Variants in PARD3B observed in about 807,000 individuals in gnomAD.
PARD3B encodes partitioning defective 3 homolog B.
In PARD3B, 103 loss-of-function variants were observed where a neutral mutation model predicts 130.2. That is an observed-to-expected ratio of 0.79 (90% CI 0.67 to 0.93). The LOEUF (loss-of-function observed/expected upper bound fraction) is 0.93. Ranked by LOEUF, PARD3B falls within the 40% of genes least tolerant of loss-of-function variation. The probability of loss-of-function intolerance (pLI) is 0.00; values close to 1 mark genes in which losing one functional copy is unlikely to be tolerated. For missense variants in PARD3B, 1,609 were observed against 1,499.2 expected, an observed-to-expected ratio of 1.07 and a Z score of -1.21; for synonymous variants, 583 against 553.2, an observed-to-expected ratio of 1.05 and a Z score of -0.76.
At position 205,568,505 on chromosome 2, in the gene PARD3B, T is replaced by C. The variant is rs1575385858; in HGVS notation, c.3260+15102T>C. Among the ~76,000 whole-genome samples the C allele has an allele frequency of 6.6e-6, 1 of 152,308 alleles. No homozygotes were observed. Among genetic ancestry groups the C allele is most frequent in the Non-Finnish European group, 1.5e-5 (1 of 68,014 alleles). ...CATCACTGAAATACAGCAGCACCTC[T>C]GGGACACTCCTGGGATTAGGAAAGC... On this transcript the variant is annotated intron_variant, in intron 22 of 22. Coordinates refer to ENST00000406610, the MANE Select transcript of PARD3B (RefSeq NM_001302769.2). The surrounding 1 kb of genome is among the most constrained non-coding windows in gnomAD (Gnocchi z 5.3).
At chr2:205,060,930 A>T (rs1700029778) in intron 4 of PARD3B, among the ~76,000 whole-genome samples, 1 of 152,118 alleles carries the variant, frequency 6.6e-6, no homozygotes, top group Admixed American at 6.6e-5. Flanking sequence ...GAAACTAGAA[A>T]GGCAATTTGA....
At chr2:204,947,845 A>G (rs1045999044) in intron 2 of PARD3B, among the ~76,000 whole-genome samples, 1 of 152,198 alleles carries the variant, frequency 6.6e-6, no homozygotes, top group African/African-American at 2.4e-5. Context: ...CTTCCCAGTA[A>G]TGACATGATG....
At chr2:204,553,695 T>TATATATAC (rs1372888110) in intron 1 of PARD3B, among the ~76,000 whole-genome samples, 1 of 90,766 alleles carries the variant, frequency 1.1e-5, no homozygotes. Flanking sequence ...TATATATATA[T>TATATATAC]ACACACATAT....
intron 19 of PARD3B, among the ~76,000 whole-genome samples, chr2:205,438,678 A>G (rs1249472173): frequency 2.5e-5 from 3 of 122,408 alleles, no homozygotes; most frequent in Non-Finnish European, 5.1e-5. Context: ...ATCTAGGACT[A>G]ACAGGCATTG....
intron 20 of PARD3B, among the ~76,000 whole-genome samples, chr2:205,497,233 G>T (rs372512514): frequency 6.7e-6 from 1 of 149,844 alleles, no homozygotes; most frequent in African/African-American, 2.4e-5. Context: ...AGAAAGGTAC[G>T]TGATTCCCAA....
At position 205,584,600 on chromosome 2, in the gene PARD3B, C is replaced by T. The variant is rs569925819; in HGVS notation, c.3261-30856C>T. On this transcript the variant is annotated intron_variant, in intron 22 of 22. Transcript: ENST00000406610. The surrounding 1 kb of genome is among the most constrained non-coding windows in gnomAD (Gnocchi z 5.5). ...GGCTGAGGCAGGAGAATCGCTTGAA[C>T]CCGGGAGGCAGAGGTTGCAGTGAGC... Among the ~76,000 whole-genome samples the T allele has an allele frequency of 2.3e-3, 353 of 152,210 alleles. 3 individuals are homozygous for T. The highest frequency in any genetic ancestry group is 0.01 in the Middle Eastern group (3 of 294).
chr2:205,610,262 C>T (rs1365134602), intron 22 of PARD3B, among the ~76,000 whole-genome samples: 1 of 152,202 alleles, frequency 6.6e-6, no homozygotes, highest in African/African-American at 2.4e-5. Flanking sequence ...GGTTCGTGTT[C>T]ATCAGCCCTC....
intron 16 of PARD3B, among the ~76,000 whole-genome samples, chr2:205,283,107 G>A (rs2041255218): frequency 6.6e-6 from 1 of 152,306 alleles, no homozygotes; most frequent in South Asian, 2.1e-4. Flanking sequence ...GCAAATGGCT[G>A]CTCCGCTCTA....
intron 2 of PARD3B, among the ~76,000 whole-genome samples, chr2:204,878,138 T>C (rs1187113904): frequency 2.0e-5 from 3 of 152,310 alleles, no homozygotes; most frequent in Admixed American, 1.3e-4. Flanking sequence ...AAAAAAGTCA[T>C]GTAACAGCAC....
rs562222066 is a variant in PARD3B at position 205,550,401 on chromosome 2, G to C, written c.3181-2923G>C. On this transcript the variant is annotated intron_variant, in intron 21 of 22. Transcript: ENST00000406610. The surrounding 1 kb of genome is among the most constrained non-coding windows in gnomAD (Gnocchi z 4.5). ...CTTCATTGCTTTGAATACAGTGAAT[G>C]ACTGCATTAATGATGTTGCAGTATC... Among the ~76,000 whole-genome samples the C allele has an allele frequency of 1.3e-4, 20 of 152,282 alleles. No homozygotes were observed. Among genetic ancestry groups the C allele is most frequent in the African/African-American group, 4.8e-4 (20 of 41,560 alleles).
At chr2:204,973,120 A>C (rs999521211) in intron 3 of PARD3B, among the ~76,000 whole-genome samples, 1 of 152,138 alleles carries the variant, frequency 6.6e-6, no homozygotes, top group Non-Finnish European at 1.5e-5. Flanking sequence ...GCCAGTCCCC[A>C]GCTCGCTCTC....
rs777915929 is a variant in PARD3B, at chr2:205,562,193, T to C, written c.3260+8790T>C. On this transcript the variant is annotated intron_variant, in intron 22 of 22. Transcript: ENST00000406610. The surrounding 1 kb of genome is among the most constrained non-coding windows in gnomAD (Gnocchi z 5.4). ...ACTTAGTTCCTCAGATAAAAGTCCA[T>C]TTTAATCAAACTTTTCATCATTTCC... Among the ~76,000 whole-genome samples the C allele has an allele frequency of 6.6e-6, 1 of 152,190 alleles. No homozygotes were observed. The highest frequency in any genetic ancestry group is 1.5e-5 in the Non-Finnish European group (1 of 68,040).
chr2:205,573,647 G>T (rs10194604), intron 22 of PARD3B, among the ~76,000 whole-genome samples: 3 of 151,990 alleles, frequency 2.0e-5, no homozygotes, highest in African/African-American at 4.8e-5. Context: ...AAAGATGCAG[G>T]TGCCTCCAAA....
intron 2 of PARD3B, among the ~76,000 whole-genome samples, chr2:204,736,784 G>A (rs1233840855): frequency 1.3e-5 from 2 of 152,144 alleles, no homozygotes; most frequent in Non-Finnish European, 2.9e-5. Flanking sequence ...TTTCCTTTGG[G>A]TAGATACTCA....
chr2:205,042,673 A>C (rs1022182827), intron 3 of PARD3B, among the ~76,000 whole-genome samples: 1 of 152,072 alleles, frequency 6.6e-6, no homozygotes, highest in Non-Finnish European at 1.5e-5. Context: ...GTGTTCTCCA[A>C]TAAGCCACGT....
chr2:204,681,098 A>G (rs2036809590), intron 1 of PARD3B, among the ~76,000 whole-genome samples: 1 of 152,082 alleles, frequency 6.6e-6, no homozygotes, highest in Non-Finnish European at 1.5e-5. Flanking sequence ...TATTAAAGTT[A>G]TATTATTGGG....
chr2:205,137,342 C>G (rs925807353), intron 10 of PARD3B, among the ~76,000 whole-genome samples: 1 of 152,052 alleles, frequency 6.6e-6, no homozygotes, highest in Admixed American at 6.5e-5. Context: ...TAACGAACAT[C>G]TTTCCGAAGG....
intron 2 of PARD3B, among the ~76,000 whole-genome samples, chr2:204,958,656 G>T (rs949502143): frequency 6.6e-5 from 10 of 152,112 alleles, no homozygotes; most frequent in Non-Finnish European, 7.3e-5. Context: ...AGCTATGGTA[G>T]GAAAAGAAAT....
At chr2:205,020,845 A>C (rs1696540373) in intron 3 of PARD3B, among the ~76,000 whole-genome samples, 2 of 152,126 alleles carry the variant, frequency 1.3e-5, no homozygotes, top group South Asian at 4.1e-4. Context: ...TCAATGTGAA[A>C]TCAGAGACAG....
Sources: allele counts gnomAD v4.1 joint callset (sites outside exome capture counted in the v4.1 genomes callset), GRCh38; gene constraint gnomAD v4.1.1; non-coding constraint Gnocchi (gnomAD v3.1); transcripts MANE v1.5; gene names NCBI Gene and HGNC (gene_info 2026-07-23, HGNC 2026-07-21).